NAT1: variants seen among roughly 807,000 people sequenced by gnomAD.
NAT1 encodes the protein arylamine N-acetyltransferase 1.
For missense variants in NAT1, 400 were observed against 339.2 expected, an observed-to-expected ratio of 1.18 and a Z score of -1.41; for synonymous variants, 144 against 122.6, an observed-to-expected ratio of 1.17 and a Z score of -1.16.
chr8:18,175,771 T>G (rs1802272433), intron 2 of NAT1, among the ~76,000 whole-genome samples: 2 of 152,040 alleles, frequency 1.3e-5, no homozygotes, highest in African/African-American at 4.8e-5. Context: ...TATTTTTAGT[T>G]TTTTTGAGGA....
intron 2 of NAT1, among the ~76,000 whole-genome samples, chr8:18,182,203 C>A (rs1466773719): frequency 6.6e-6 from 1 of 152,174 alleles, no homozygotes; most frequent in Non-Finnish European, 1.5e-5. Context: ...TGTCTTCTTG[C>A]AAGGATAGTT....
rs557647909 is a variant in NAT1 at position 18,219,402 on chromosome 8, T to G, written c.-85-9T>G. On this transcript the variant is annotated splice_polypyrimidine_tract_variant and intron_variant, in intron 1 of 2. Transcript: ENST00000307719. The stretch of plus-strand genomic sequence containing the variant: ...ATATATTTCTGACTGTCTTTTCTCT[T>G]ATTTCTAGAATTCAAGCCAGGAAGA... 7.1e-5 allele frequency: 110 copies of G among 1,540,184 alleles called. No individual in the cohort carries two copies. The East Asian group carries it at 2.4e-3, about 34-fold the overall frequency.
chr8:18,175,439 A>G (rs1325215726), intron 2 of NAT1, among the ~76,000 whole-genome samples: 1 of 152,028 alleles, frequency 6.6e-6, no homozygotes, highest in East Asian at 1.9e-4. Flanking sequence ...ATTTTTTCTG[A>G]GTCCACAAAC....
chr8:18,190,544 C>T (rs1005719195), intron 2 of NAT1, among the ~76,000 whole-genome samples: 9 of 152,158 alleles, frequency 5.9e-5, no homozygotes, highest in African/African-American at 2.2e-4. Flanking sequence ...CTCTGAAAAC[C>T]GATTTAATAC....
At chr8:18,174,458 T>A (rs929810087) in intron 2 of NAT1, among the ~76,000 whole-genome samples, 12 of 152,102 alleles carry the variant, frequency 7.9e-5, no homozygotes, top group Non-Finnish European at 2.9e-5. Flanking sequence ...GCTACCTTCA[T>A]AAAGATATTC....
At chr8:18,213,068 C>CTT (rs34278443) in intron 1 of NAT1, among the ~76,000 whole-genome samples, 73,428 of 142,466 alleles carry the variant, frequency 0.52, 19,658 homozygotes, top group Non-Finnish European at 0.6. Flanking sequence ...CCACACCTCG[C>CTT]TTTTTTTTTT....
At chr8:18,215,865 G>T (rs1804606952) in intron 1 of NAT1, among the ~76,000 whole-genome samples, 1 of 152,178 alleles carries the variant, frequency 6.6e-6, no homozygotes, top group African/African-American at 2.4e-5. Flanking sequence ...GACGAGACGA[G>T]TCTCAATCAT....
At chr8:18,182,728 T>G (rs1802569780) in intron 2 of NAT1, among the ~76,000 whole-genome samples, 1 of 152,194 alleles carries the variant, frequency 6.6e-6, no homozygotes, top group Non-Finnish European at 1.5e-5. Flanking sequence ...TTTTGACTAT[T>G]TGCATTTTAA....
intron 2 of NAT1, among the ~76,000 whole-genome samples, chr8:18,172,533 T>C (rs1802137059): frequency 6.6e-6 from 1 of 152,188 alleles, no homozygotes; most frequent in Non-Finnish European, 1.5e-5. Context: ...TACATGCTAT[T>C]TCCCCTGGCC....
chr8:18,209,604 G>C (rs1803891581), upstream of NAT1, among the ~76,000 whole-genome samples: 1 of 152,166 alleles, frequency 6.6e-6, no homozygotes, highest in Admixed American at 6.5e-5. Context: ...CACACACATG[G>C]GGCTCTTTCA....
At position 18,193,189 on chromosome 8, in the gene NAT1, C is replaced by A. The variant is rs1248340703; in HGVS notation, n.93-16592C>A. Among the ~76,000 whole-genome samples the A allele has an allele frequency of 2.0e-5, 3 of 148,810 alleles. No homozygotes were observed. In the East Asian group the frequency reaches 6.0e-4, roughly 30 times the overall value. ...GACCTCCTGGGCTCAAGCAATCCTCCACCTCAGCCACTCAAGTAGGTAGCA... is the reference window on the plus strand; with the variant it reads ...GACCTCCTGGGCTCAAGCAATCCTCAACCTCAGCCACTCAAGTAGGTAGCA... On this transcript the variant is annotated intron_variant and non_coding_transcript_variant, in intron 2 of 4. Coordinates refer to the NAT1 transcript ENST00000517441.
intron 2 of NAT1, among the ~76,000 whole-genome samples, chr8:18,201,622 A>T (rs946087625): frequency 6.6e-6 from 1 of 152,008 alleles, no homozygotes; most frequent in African/African-American, 2.4e-5. Context: ...GAGGGATAAG[A>T]CTCCCAGAGG....
At chr8:18,175,479 G>A (rs1802261056) in intron 2 of NAT1, among the ~76,000 whole-genome samples, 1 of 151,982 alleles carries the variant, frequency 6.6e-6, no homozygotes, top group Non-Finnish European at 1.5e-5. Context: ...TTGTTTCCAT[G>A]ACTGGCTTAT....
chr8:18,209,095 C>G (rs1589099083), upstream of NAT1, among the ~76,000 whole-genome samples: 1 of 152,330 alleles, frequency 6.6e-6, no homozygotes, highest in East Asian at 1.9e-4. Flanking sequence ...TTATACAAGC[C>G]TAAGGGTAAT....
Position 18,222,570 on chromosome 8 carries a change from T to C in NAT1, c.523T>C (p.Phe175Leu), listed in dbSNP as rs762246777. Residue 175 changes from phenylalanine (F) to leucine (L), a missense_variant, in exon 3 of 3, where the codon TTT becomes CTT. By Grantham distance (22) the Phe-to-Leu change is conservative (BLOSUM62 0). Transcript: ENST00000307719. ...GGAACAGTACATTCCAAATGAAGAA[T>C]TTCTTCATTCTGATCTCCTAGAAGA... is the stretch of plus-strand genomic sequence containing the variant. ...RREQYIPNEE[F>L]LHSDLLEDSK... 5.0e-6 allele frequency: 8 copies of C among 1,614,054 alleles called. No homozygotes were observed. Among genetic ancestry groups the C allele is most frequent in the South Asian group, 4.4e-5 (4 of 91,066 alleles).
intron 2 of NAT1, among the ~76,000 whole-genome samples, chr8:18,188,015 G>A (rs1041511520): frequency 2.7e-5 from 4 of 148,754 alleles, no homozygotes; most frequent in African/African-American, 7.4e-5. Context: ...ATTGTTTTGT[G>A]GCTCCATTTT....
At chr8:18,188,471 G>A (rs1314943913) in intron 2 of NAT1, among the ~76,000 whole-genome samples, 2 of 151,996 alleles carry the variant, frequency 1.3e-5, no homozygotes, top group African/African-American at 2.4e-5. Context: ...ATAAGTCTTA[G>A]TTATAACTTT....
chr8:18,176,548 T>C (rs10282954), intron 2 of NAT1, among the ~76,000 whole-genome samples: 42,929 of 151,296 alleles, frequency 0.28, 6,581 homozygotes, highest in South Asian at 0.41. Flanking sequence ...TTCTATTGTG[T>C]TTCATTGGTT....
At chr8:18,173,558 A>G (rs2213908) in intron 2 of NAT1, among the ~76,000 whole-genome samples, 39,478 of 152,092 alleles carry the variant, frequency 0.26, 5,704 homozygotes, top group African/African-American at 0.37. Flanking sequence ...GGCCAACATT[A>G]TAACACTGAG....
Sources: allele counts gnomAD v4.1 joint callset (sites outside exome capture counted in the v4.1 genomes callset), GRCh38; gene constraint gnomAD v4.1.1; transcripts MANE v1.5; gene names NCBI Gene and HGNC (gene_info 2026-07-23, HGNC 2026-07-21).